RPS6KA2: variants seen among roughly 807,000 people sequenced by gnomAD.
RPS6KA2 encodes the protein ribosomal protein S6 kinase alpha-2.
A neutral mutation model predicts 91.8 loss-of-function variants in RPS6KA2; 42 were observed. The observed-to-expected ratio is 0.46, with a 90% confidence interval of 0.36 to 0.59. RPS6KA2 has a LOEUF of 0.59. RPS6KA2 is among the 20% of genes least tolerant of loss of function. The pLI is 0.00. For missense variants in RPS6KA2, 798 were observed against 978.5 expected (o/e 0.82, Z 2.46); for synonymous variants, 414 against 393.6 (o/e 1.05, Z -0.61).
chr6:166,602,009 C>T (rs1261622816), intron 1 of RPS6KA2, among the ~76,000 whole-genome samples: 1 of 152,186 alleles, frequency 6.6e-6, no homozygotes, highest in Admixed American at 6.5e-5. Context: ...ATGTAAAGAA[C>T]TCTTATAAAT....
intron 1 of RPS6KA2, among the ~76,000 whole-genome samples, chr6:166,619,128 G>A (rs1251402332): frequency 6.6e-6 from 1 of 152,154 alleles, no homozygotes; most frequent in Non-Finnish European, 1.5e-5. Context: ...CTTCTTTGTT[G>A]GGTTGTACTC....
At chr6:166,799,186 C>T (rs539218799) in intron 2 of RPS6KA2, among the ~76,000 whole-genome samples, 5 of 152,186 alleles carry the variant, frequency 3.3e-5, no homozygotes, top group African/African-American at 4.8e-5. Flanking sequence ...ATCTCAGTGC[C>T]GAGCCTGTTT....
intron 2 of RPS6KA2, among the ~76,000 whole-genome samples, chr6:166,653,701 G>T (rs964622886): frequency 6.6e-6 from 1 of 152,216 alleles, no homozygotes; most frequent in Non-Finnish European, 1.5e-5. Context: ...AGAAAGGAAT[G>T]CTACTTGAAA....
rs377415647 is a variant in RPS6KA2 at position 166,508,301 on chromosome 6, C to A, written c.380-19G>T. The stretch of plus-strand genomic sequence containing the variant: ...TGAAAGGCTGTGGGGGACAGAGACC[C>A]GCATTTTGACAGCTTGTCGAATGTC... On this transcript the variant is annotated intron_variant, in intron 4 of 20. Coordinates refer to ENST00000265678, the MANE Select transcript of RPS6KA2 (RefSeq NM_021135.6). This position sits in a 1 kb window ranked among gnomAD's most constrained non-coding sequence, Gnocchi z 4.3. 6 of 1,530,422 alleles carry A rather than the reference C, an allele frequency of 3.9e-6. No individual in the cohort carries two copies. The South Asian group carries it at 6.7e-5, about 17-fold the overall frequency. 94.8% of individuals were successfully genotyped at this position (1,530,422 alleles called of 1,614,324 possible).
chr6:166,738,077 T>G (rs1369077865), intron 2 of RPS6KA2, among the ~76,000 whole-genome samples: 1 of 152,240 alleles, frequency 6.6e-6, no homozygotes, highest in African/African-American at 2.4e-5. Context: ...TGACCTGCCT[T>G]TTGCATTTAG....
chr6:166,507,399 A>G (rs1782272631), intron 5 of RPS6KA2, among the ~76,000 whole-genome samples: 2 of 139,474 alleles, frequency 1.4e-5, no homozygotes, highest in Non-Finnish European at 3.2e-5. Context: ...CCCACCCCAC[A>G]TCACACATAG....
At chr6:166,473,212 G>C (rs1395158206) in intron 10 of RPS6KA2, among the ~76,000 whole-genome samples, 1 of 151,336 alleles carries the variant, frequency 6.6e-6, no homozygotes, top group Non-Finnish European at 1.5e-5. Flanking sequence ...TTTTTATTTT[G>C]GGGGGATTCA....
intron 2 of RPS6KA2, among the ~76,000 whole-genome samples, chr6:166,650,926 A>G (rs1372297102): frequency 6.6e-6 from 1 of 152,198 alleles, no homozygotes; most frequent in African/African-American, 2.4e-5. Context: ...GAACCTGAAC[A>G]TAGGAATAGA....
At chr6:166,456,985 A>T (rs1212827612) in intron 12 of RPS6KA2, among the ~76,000 whole-genome samples, 2 of 152,262 alleles carry the variant, frequency 1.3e-5, no homozygotes, top group African/African-American at 2.4e-5. Context: ...CCACTGGCCA[A>T]CTAGGTTGGG....
intron 2 of RPS6KA2, among the ~76,000 whole-genome samples, chr6:166,853,551 G>A (rs1014418360): frequency 5.9e-5 from 9 of 152,176 alleles, no homozygotes; most frequent in African/African-American, 1.7e-4. Context: ...CCTCCCAACC[G>A]CCCAGCACAG....
chr6:166,574,479 A>C (rs1273414083), intron 1 of RPS6KA2, among the ~76,000 whole-genome samples: 2 of 152,226 alleles, frequency 1.3e-5, no homozygotes, highest in Non-Finnish European at 2.9e-5. Flanking sequence ...GTGGCTGCAA[A>C]GGACATGATT....
At chr6:166,844,810 T>C (rs958028100) in intron 2 of RPS6KA2, among the ~76,000 whole-genome samples, 2 of 151,938 alleles carry the variant, frequency 1.3e-5, no homozygotes, top group Non-Finnish European at 2.9e-5. Context: ...TACACCAAAA[T>C]AGAAACTTCT....
rs1377950788 is a variant in RPS6KA2, at chr6:166,748,648, GC to G, written c.123+109551del. On this transcript the variant is annotated intron_variant, in intron 2 of 21. Coordinates refer to the RPS6KA2 transcript ENST00000503859. ...CCTCCTCAGGCCCCCATCCCCTTGG[GC>G]CCCCACCTCCTCAGGCCCCCATCTC... 9.5e-5 allele frequency among the ~76,000 whole-genome samples: 7 copies of G among 73,916 alleles called. No homozygotes were observed. In the South Asian group the frequency reaches 1.5e-3, roughly 16 times the overall value. The allele number at this position is 73,916 out of a possible 152,430, so 48.5% of individuals were successfully genotyped here.
Position 166,451,244 on chromosome 6 carries a change from CAG to C in RPS6KA2, c.1076-13_1076-12del. On this transcript the variant is annotated splice_polypyrimidine_tract_variant and intron_variant, in intron 12 of 20. Coordinates refer to ENST00000265678, the MANE Select transcript of RPS6KA2 (RefSeq NM_021135.6). ...GGACGCCAGGAGAGTCTGTAGGTGACAGGGGCAGAGTTCAGATGCCACGAAAG... is the reference window on the plus strand; with the variant it reads ...GGACGCCAGGAGAGTCTGTAGGTGACGGGCAGAGTTCAGATGCCACGAAAG... 6.2e-7 allele frequency: 1 copy of C among 1,613,260 alleles called. No homozygotes were observed. Among genetic ancestry groups the C allele is most frequent in the Non-Finnish European group, 8.5e-7 (1 of 1,179,704 alleles).
chr6:166,467,112 T>A (rs553775922), intron 11 of RPS6KA2, among the ~76,000 whole-genome samples: 3 of 152,178 alleles, frequency 2.0e-5, no homozygotes, highest in Admixed American at 2.0e-4. Context: ...ACTCACTCCC[T>A]CATTCACTCA....
chr6:166,469,971 G>T (rs1000009543), intron 10 of RPS6KA2, 66 bp from the exon 11 acceptor site: 15 of 1,402,384 alleles, frequency 1.1e-5, no homozygotes, highest in East Asian at 2.3e-5. Flanking sequence ...AGTTTCCAAT[G>T]CAGCAGTGTG....
In RPS6KA2 at chr6:166,648,019, CACAT is replaced by C. The variant is rs752068660; in HGVS notation, c.124-109239_124-109236del. Reference sequence around the variant, plus strand: ...ATGCTCACACACGCACATGCTTACACACATACATACACACATGCTCTCACACACA... The same window carrying C: ...ATGCTCACACACGCACATGCTTACACACATACACACATGCTCTCACACACA... On this transcript the variant is annotated intron_variant, in intron 2 of 21. Coordinates refer to the RPS6KA2 transcript ENST00000503859. This position sits in a 1 kb window ranked among gnomAD's most constrained non-coding sequence, Gnocchi z 4.8. 4.2e-5 allele frequency among the ~76,000 whole-genome samples: 6 copies of C among 144,192 alleles called. No individual in the cohort carries two copies. Among genetic ancestry groups the C allele is most frequent in the Non-Finnish European group, 7.5e-5 (5 of 67,002 alleles). 94.6% of individuals were successfully genotyped at this position (144,192 alleles called of 152,430 possible).
intron 2 of RPS6KA2, among the ~76,000 whole-genome samples, chr6:166,755,465 G>A (rs773067112): frequency 1.2e-4 from 18 of 151,002 alleles, no homozygotes; most frequent in Non-Finnish European, 2.4e-4. Flanking sequence ...CTACACAACT[G>A]GGGTTTATTT....
chr6:166,553,454 T>TA (rs1291859452), intron 1 of RPS6KA2, among the ~76,000 whole-genome samples: 1 of 151,694 alleles, frequency 6.6e-6, no homozygotes, highest in African/African-American at 2.4e-5. Flanking sequence ...CCCACTTTTT[T>TA]TTTTTTTTCC....
Sources: gnomAD v4.1 joint callset for allele counts (sites outside exome capture counted in the v4.1 genomes callset) on GRCh38, gnomAD v4.1.1 for gene constraint, Gnocchi (gnomAD v3.1) non-coding constraint, MANE v1.5 for transcripts, NCBI Gene and HGNC (gene_info 2026-07-23, HGNC 2026-07-21) for gene names.